IL31RA: variants seen among roughly 807,000 people sequenced by gnomAD.
The protein encoded by IL31RA is interleukin 31 receptor A.
A neutral mutation model predicts 83.7 loss-of-function variants in IL31RA; 66 were observed. The observed-to-expected ratio is 0.79, with a 90% confidence interval of 0.65 to 0.97. IL31RA has a LOEUF of 0.97. Among genes scored for constraint, IL31RA ranks in the 50% least tolerant of loss-of-function variants. IL31RA has a pLI of 0.00. For synonymous variants in IL31RA, 325 were observed against 329.0 expected (o/e 0.99, Z 0.13); for missense variants, 798 against 919.4 (o/e 0.87, Z 1.71).
intron 10 of IL31RA, among the ~76,000 whole-genome samples, chr5:55,907,858 G>A (rs1014764809): frequency 6.6e-5 from 10 of 152,192 alleles, no homozygotes; most frequent in Non-Finnish European, 1.3e-4. Flanking sequence ...CTTTACTGGT[G>A]AATTGCTCAA....
intron 2 of IL31RA, among the ~76,000 whole-genome samples, chr5:55,867,119 G>GTT (rs1746119034): frequency 1.5e-5 from 2 of 132,060 alleles, no homozygotes; most frequent in African/African-American, 5.6e-5. Flanking sequence ...GTGCATGTGT[G>GTT]TGTTTGTGTG....
At chr5:55,905,153 A>G (rs1008658935) in intron 8 of IL31RA, among the ~76,000 whole-genome samples, 1 of 150,782 alleles carries the variant, frequency 6.6e-6, no homozygotes, top group Non-Finnish European at 1.5e-5. Flanking sequence ...GTGAGCCAAG[A>G]TCATGCCACT....
At chr5:55,849,356 C>A (rs1269647382), upstream of IL31RA, among the ~76,000 whole-genome samples, 1 of 151,928 alleles carries the variant, frequency 6.6e-6, no homozygotes, top group Admixed American at 6.6e-5. Context: ...CTTACCAATT[C>A]TATACACAAA....
At position 55,867,213 on chromosome 5, in the gene IL31RA, ATG is replaced by A. The variant is rs1365978131; in HGVS notation, c.155-1572_155-1571del. 5.1e-4 allele frequency among the ~76,000 whole-genome samples: 33 copies of A among 64,626 alleles called. 1 individual carries two copies. The highest frequency in any genetic ancestry group is 7.4e-4 in the Non-Finnish European group (22 of 29,894). 42.4% of individuals were successfully genotyped at this position (64,626 alleles called of 152,430 possible). On this transcript the variant is annotated intron_variant, in intron 2 of 14. Transcript: ENST00000652347. ...TTTGTGTGTGTTTGTGTGTGTGCGC[ATG>A]TGTGTTTGTGTGTGTGTTTGTGTGT... is the stretch of plus-strand genomic sequence containing the variant.
Position 55,917,299 on chromosome 5 carries a change from G to C in IL31RA, c.*179G>C. The C allele has an allele frequency of 2.7e-6, 4 of 1,500,556 alleles. No homozygotes were observed. The highest frequency in any genetic ancestry group is 3.5e-6 in the Non-Finnish European group (4 of 1,131,704). 93.0% of individuals were successfully genotyped at this position (1,500,556 alleles called of 1,614,324 possible). A position where few individuals can be genotyped will look rare whatever the true frequency, so the allele number is the denominator to read the frequency against. On this transcript the variant is annotated 3_prime_UTR_variant, in exon 15 of 15. Transcript: ENST00000652347. ...CGGCAAAGATGCGACCTTGTACTGG[G>C]AAGAAGGGATGGTGATAAGCCCGAG...
chr5:55,885,301 T>G (rs1747517219), intron 5 of IL31RA, among the ~76,000 whole-genome samples: 1 of 152,180 alleles, frequency 6.6e-6, no homozygotes, highest in Non-Finnish European at 1.5e-5. Flanking sequence ...TGCTCCTTAG[T>G]TCAGCTAAAT....
chr5:55,844,205 G>A, the IL31RA span, among the ~76,000 whole-genome samples: 1 of 152,038 alleles, frequency 6.6e-6, no homozygotes, highest in East Asian at 1.9e-4. Flanking sequence ...AGTGTTAAGA[G>A]AAAAAAACCC....
At chr5:55,870,813 C>A (rs1036023633) in intron 3 of IL31RA, among the ~76,000 whole-genome samples, 5 of 152,182 alleles carry the variant, frequency 3.3e-5, no homozygotes, top group African/African-American at 1.2e-4. Context: ...AGCCAAAAAC[C>A]TTCTGATGTC....
In IL31RA at chr5:55,854,672, G is replaced by A. The variant is rs186070685; in HGVS notation, c.63+3039G>A. ...AGGCAGGAGAATCACTTGAACCCGCGAGGCAGAGGTTGCAGTGAACCGAGA... is the reference window on the plus strand; with the variant it reads ...AGGCAGGAGAATCACTTGAACCCGCAAGGCAGAGGTTGCAGTGAACCGAGA... On this transcript the variant is annotated intron_variant, in intron 1 of 14. Coordinates refer to ENST00000652347, the MANE Select transcript of IL31RA (RefSeq NM_139017.7). 8.5e-3 allele frequency among the ~76,000 whole-genome samples: 1,286 copies of A among 150,886 alleles called. 10 individuals are homozygous for A. Among genetic ancestry groups the A allele is most frequent in the Non-Finnish European group, 0.015 (991 of 67,854 alleles).
intron 1 of IL31RA, among the ~76,000 whole-genome samples, chr5:55,852,033 A>G (rs2112261252): frequency 6.6e-6 from 1 of 152,330 alleles, no homozygotes; most frequent in Admixed American, 6.5e-5. Flanking sequence ...TTTAATACAC[A>G]ACACCTTTAG....
At chr5:55,902,235 C>T (rs1748867154) in intron 8 of IL31RA, 1 of 152,128 alleles carries the variant, frequency 6.6e-6, no homozygotes, top group Non-Finnish European at 1.5e-5. Flanking sequence ...ATAGTTATGA[C>T]AGAGACGACC....
At position 55,919,530 on chromosome 5, in the gene IL31RA, A is replaced by G. The variant is rs1325814990; in HGVS notation, c.*2410A>G. Among the ~76,000 whole-genome samples the G allele has an allele frequency of 6.6e-6, 1 of 151,818 alleles. No individual in the cohort carries two copies. Among genetic ancestry groups the G allele is most frequent in the African/African-American group, 2.4e-5 (1 of 41,280 alleles). On this transcript the variant is annotated 3_prime_UTR_variant, in exon 15 of 15. Transcript: ENST00000652347. The stretch of plus-strand genomic sequence containing the variant: ...CTTTCCTTTCTCTCCTCTTGCCCCT[A>G]TCTTGTGCTTTGTTTTCCCCCACTG...
At position 55,908,362 on chromosome 5, in the gene IL31RA, C is replaced by T. The variant is rs779447461; in HGVS notation, c.1452C>T (p.Ile484=). 6 of 1,614,052 alleles carry T rather than the reference C, an allele frequency of 3.7e-6. No individual in the cohort carries two copies. The highest frequency in any genetic ancestry group is 1.7e-5 in the Admixed American group (1 of 59,996). ...KEIPKSERKG[I]ICNYTIFYQA... Reference sequence around the variant, plus strand: ...TTCCCAAGAGTGAGAGAAAGGGTATCATCTGCAACTACACCATCTTTTACC... The same window carrying T: ...TTCCCAAGAGTGAGAGAAAGGGTATTATCTGCAACTACACCATCTTTTACC... The change falls in exon 11 of 15, where the codon ATC becomes ATT. Residue 484 remains isoleucine, a synonymous_variant. Transcript: ENST00000652347.
At chr5:55,898,246 G>T (rs1148041) in intron 7 of IL31RA, among the ~76,000 whole-genome samples, 3 of 152,198 alleles carry the variant, frequency 2.0e-5, no homozygotes, top group East Asian at 3.8e-4. Flanking sequence ...GGCAGCTTGC[G>T]AAGTAGAGAA....
At chr5:55,844,605 T>G in the IL31RA span, among the ~76,000 whole-genome samples, 7 of 152,314 alleles carry the variant, frequency 4.6e-5, no homozygotes, top group East Asian at 1.3e-3. Context: ...TTTCTGGAAT[T>G]TATCTCACTT....
chr5:55,908,560 G>A (rs1580739975), intron 11 of IL31RA, 149 bp downstream of exon 11: 8 of 1,564,156 alleles, frequency 5.1e-6, no homozygotes, highest in Non-Finnish European at 6.1e-6. Flanking sequence ...CTGAAAATGG[G>A]GCCAAGAGCA....
At chr5:55,870,464 G>A (rs1029572310) in intron 3 of IL31RA, among the ~76,000 whole-genome samples, 10 of 152,180 alleles carry the variant, frequency 6.6e-5, no homozygotes, top group African/African-American at 2.2e-4. Context: ...TCTAGTCCCA[G>A]TGTTGAATAT....
At chr5:55,865,282 A>G (rs1371463802) in intron 2 of IL31RA, among the ~76,000 whole-genome samples, 5 of 152,198 alleles carry the variant, frequency 3.3e-5, no homozygotes, top group African/African-American at 1.2e-4. Flanking sequence ...GCATGCAAGT[A>G]GCAAAGATAG....
intron 3 of IL31RA, 58 bp from the exon 4 acceptor site, chr5:55,872,212 T>C: frequency 2.4e-6 from 3 of 1,255,454 alleles, no homozygotes; most frequent in Admixed American, 1.7e-5. Context: ...ACATTAAATA[T>C]GGTTATGTTT....
Sources: gnomAD v4.1 joint callset for allele counts (sites outside exome capture counted in the v4.1 genomes callset) on GRCh38, gnomAD v4.1.1 for gene constraint, MANE v1.5 for transcripts, NCBI Gene and HGNC (gene_info 2026-07-23, HGNC 2026-07-21) for gene names.